Variants in SECISBP2L observed in about 807,000 individuals in gnomAD.
SECISBP2L encodes SECIS binding protein 2 like.
A neutral mutation model predicts 114.7 loss-of-function variants in SECISBP2L; 43 were observed. The observed-to-expected ratio is 0.38, with a 90% CI of 0.29 to 0.48. The LOEUF is 0.48. SECISBP2L is among the 20% of genes least tolerant of loss of function. The pLI, the probability that SECISBP2L is intolerant of heterozygous loss-of-function variation, is 0.98. For missense variants in SECISBP2L, 1,136 were observed against 1,301.1 expected (o/e 0.87, Z 1.95); for synonymous variants, 451 against 439.7 (o/e 1.03, Z -0.32).
intron 7 of SECISBP2L, among the ~76,000 whole-genome samples, chr15:49,021,356 T>C (rs747769860): frequency 2.0e-5 from 3 of 152,144 alleles, no homozygotes; most frequent in African/African-American, 4.8e-5. Flanking sequence ...ATATGCAAAA[T>C]GTTCAACTGT....
chr15:49,010,124 G>GACACAGACACACACACACACACAC (rs1902407003), intron 13 of SECISBP2L, among the ~76,000 whole-genome samples: 1 of 138,748 alleles, frequency 7.2e-6, no homozygotes, highest in Non-Finnish European at 1.5e-5. Context: ...AACAGAGGCA[G>GACACAGACACACACACACACACAC]ACACACACAC....
chr15:49,039,612 G>T (rs1903082799), intron 1 of SECISBP2L, among the ~76,000 whole-genome samples: 1 of 149,662 alleles, frequency 6.7e-6, no homozygotes, highest in African/African-American at 2.5e-5. Flanking sequence ...ATGGCTCATT[G>T]CAGCCTCAAT....
intron 3 of SECISBP2L, among the ~76,000 whole-genome samples, chr15:49,033,756 C>T (rs1055500682): frequency 6.6e-6 from 1 of 152,110 alleles, no homozygotes; most frequent in Non-Finnish European, 1.5e-5. Flanking sequence ...CACTTGAGCC[C>T]AGGCGTTTGA....
intron 17 of SECISBP2L, 143 bp downstream of exon 17, chr15:48,996,224 A>C (rs1595780906): frequency 1.4e-6 from 1 of 724,344 alleles, no homozygotes; most frequent in East Asian, 2.8e-5. Context: ...TTTTTAATGA[A>C]CATGTTTAAT....
intron 16 of SECISBP2L, among the ~76,000 whole-genome samples, chr15:48,998,254 T>C (rs1237412132): frequency 1.3e-5 from 2 of 152,264 alleles, no homozygotes; most frequent in African/African-American, 2.4e-5. Flanking sequence ...TCCAGCTGCA[T>C]TTTAAATTGT....
intron 7 of SECISBP2L, among the ~76,000 whole-genome samples, chr15:49,022,709 T>C (rs1416052793): frequency 1.3e-5 from 2 of 152,184 alleles, no homozygotes; most frequent in Non-Finnish European, 2.9e-5. Flanking sequence ...TAAACACCAA[T>C]GGAACAGAAT....
intron 7 of SECISBP2L, 109 bp downstream of exon 7, chr15:49,027,256 T>C (rs900756505): frequency 6.0e-6 from 4 of 672,164 alleles, no homozygotes; most frequent in Non-Finnish European, 1.0e-5. Context: ...CACATGATAG[T>C]TCACTTCCAA....
intron 7 of SECISBP2L, among the ~76,000 whole-genome samples, chr15:49,023,021 A>C (rs1474792444): frequency 8.7e-6 from 1 of 115,270 alleles, no homozygotes; most frequent in African/African-American, 2.7e-5. Context: ...ACCCTTTAGA[A>C]GCCATCAAAA....
intron 16 of SECISBP2L, 116 bp downstream of exon 16, chr15:48,999,717 G>T (rs917663204): frequency 1.8e-6 from 2 of 1,102,002 alleles, no homozygotes; most frequent in Non-Finnish European, 2.5e-6. Context: ...ATTCTTTCAG[G>T]GTTGTCAACT....
chr15:49,037,817 T>C, intron 1 of SECISBP2L, 48 bp from the exon 2 acceptor site: 1 of 1,492,380 alleles, frequency 6.7e-7, no homozygotes, highest in Non-Finnish European at 9.1e-7. Context: ...GCAAGCAACT[T>C]CCTACAAATT....
Position 48,990,696 on chromosome 15 carries a change from T to G in SECISBP2L, c.*1548A>C, listed in dbSNP as rs1404558719. The G allele has an allele frequency of 1.3e-5, 2 of 152,566 alleles. No homozygotes were observed. The highest frequency in any genetic ancestry group is 4.8e-5 in the African/African-American group (2 of 41,414). The allele number at this position is 152,566 out of a possible 1,614,324, so 9.5% of individuals were successfully genotyped here. Reference sequence around the variant, plus strand: ...TAGTCCCAATGAGTTCAGTAAAGAATCTGCCCAATTCTTCTCTCCTGCCTC... The same window carrying G: ...TAGTCCCAATGAGTTCAGTAAAGAAGCTGCCCAATTCTTCTCTCCTGCCTC... On this transcript the variant is annotated 3_prime_UTR_variant, in exon 18 of 18. Coordinates refer to ENST00000559471, the MANE Select transcript of SECISBP2L (RefSeq NM_001193489.2).
At chr15:49,034,836 G>GT (rs948799974) in intron 3 of SECISBP2L, among the ~76,000 whole-genome samples, 8 of 151,808 alleles carry the variant, frequency 5.3e-5, no homozygotes, top group African/African-American at 1.9e-4. Flanking sequence ...GCTAATTTTT[G>GT]TATTTTTGGT....
Position 48,996,209 on chromosome 15 carries a change from C to T in SECISBP2L, c.2623+158G>A, listed in dbSNP as rs538888495. 2.2e-3 allele frequency among the ~76,000 whole-genome samples: 331 copies of T among 152,234 alleles called. 1 individual carries two copies. The highest frequency in any genetic ancestry group is 5.3e-3 in the Admixed American group (81 of 15,294). On this transcript the variant is annotated intron_variant, in intron 17 of 17. Transcript: ENST00000559471. ...AAGAAGTCTCAGTCCCAAATATTCT[C>T]CTGATTTTTAATGAACATGTTTAAT... is the stretch of plus-strand genomic sequence containing the variant.
At chr15:49,004,507 T>C (rs1902276093) in intron 14 of SECISBP2L, among the ~76,000 whole-genome samples, 1 of 152,202 alleles carries the variant, frequency 6.6e-6, no homozygotes, top group South Asian at 2.1e-4. Context: ...TCTCTAGTTC[T>C]TTTAATTGTG....
chr15:49,036,112 G>A (rs932244605), intron 2 of SECISBP2L, among the ~76,000 whole-genome samples: 3 of 152,132 alleles, frequency 2.0e-5, no homozygotes, highest in Admixed American at 6.5e-5. Flanking sequence ...CTCATTTTCA[G>A]CTCAATCTCA....
chr15:49,002,959 TA>T (rs1287451424), intron 14 of SECISBP2L, among the ~76,000 whole-genome samples: 1 of 152,208 alleles, frequency 6.6e-6, no homozygotes, highest in African/African-American at 2.4e-5. Context: ...ATATGAAGTT[TA>T]AAGTAGTTTT....
intron 1 of SECISBP2L, among the ~76,000 whole-genome samples, chr15:49,040,384 C>T (rs1903098416): frequency 1.3e-5 from 2 of 152,100 alleles, no homozygotes; most frequent in African/African-American, 4.8e-5. Context: ...TAGGAACAGA[C>T]TGGCAAACTT....
intron 11 of SECISBP2L, among the ~76,000 whole-genome samples, chr15:49,015,396 CAG>C (rs1176680921): frequency 6.6e-6 from 1 of 152,070 alleles, no homozygotes; most frequent in African/African-American, 2.4e-5. Context: ...ATTGTAATAA[CAG>C]AGGTTGATAG....
intron 8 of SECISBP2L, 150 bp downstream of exon 8, chr15:49,019,268 T>C (rs1595789607): frequency 1.8e-6 from 1 of 563,086 alleles, no homozygotes; most frequent in Admixed American, 4.4e-5. Context: ...AAGACAAAAA[T>C]GAGTTAATAC....
Sources: gnomAD v4.1 joint callset for allele counts (sites outside exome capture counted in the v4.1 genomes callset) on GRCh38, gnomAD v4.1.1 for gene constraint, MANE v1.5 for transcripts, NCBI Gene and HGNC (gene_info 2026-07-23, HGNC 2026-07-21) for gene names.